The following RTL4 variants were observed in gnomAD, a reference collection of about 807,000 sequenced individuals.
The protein encoded by RTL4 is retrotransposon Gag-like protein 4.
RTL4 carries 4 observed loss-of-function variants against 5.3 expected under a neutral mutation model. The ratio of observed to expected loss-of-function variants is 0.75; its 90% CI spans 0.37 to 1.72. RTL4 has a LOEUF of 1.72. Among genes scored for constraint, RTL4 ranks in the 40% most tolerant of loss-of-function variants. RTL4 has a pLI of 0.04. For missense variants in RTL4, 260 were observed against 227.1 expected, an observed-to-expected ratio of 1.14 and a Z score of -0.93; for synonymous variants, 98 against 87.3, an observed-to-expected ratio of 1.12 and a Z score of -0.68.
the RTL4 span, among the ~76,000 whole-genome samples, chrX:112,236,460 T>C: frequency 1.2e-5 from 1 of 80,634 alleles, no homozygotes. Flanking sequence ...TAGATATAGA[T>C]CTATATCTAT....
At chrX:112,117,203 G>A in the RTL4 span, among the ~76,000 whole-genome samples, 5 of 108,435 alleles carry the variant, frequency 4.6e-5, no homozygotes, top group East Asian at 2.9e-4. Flanking sequence ...CCACATAATC[G>A]TTATATGGTA....
At chrX:112,142,869 C>T in the RTL4 span, among the ~76,000 whole-genome samples, 1 of 111,190 alleles carries the variant, frequency 9.0e-6, no homozygotes, top group African/African-American at 3.3e-5. Context: ...CATTCTGTCA[C>T]CCAGGCTAGA....
chrX:112,299,217 G>A, the RTL4 span, among the ~76,000 whole-genome samples: 1 of 111,552 alleles, frequency 9.0e-6, no homozygotes, highest in African/African-American at 3.3e-5. Flanking sequence ...ATATAACAGG[G>A]CAGCCATAGT....
chrX:112,291,409 C>T, the RTL4 span, among the ~76,000 whole-genome samples: 1 of 103,157 alleles, frequency 9.7e-6, no homozygotes, highest in Non-Finnish European at 2.0e-5. Flanking sequence ...CACACACACA[C>T]ATGCACACAT....
At chrX:112,440,733 T>TA in the RTL4 span, among the ~76,000 whole-genome samples, 5 of 111,874 alleles carry the variant, frequency 4.5e-5, no homozygotes, top group Non-Finnish European at 7.5e-5. Flanking sequence ...TTTTAAGGCC[T>TA]ACATTATTAG....
the RTL4 span, among the ~76,000 whole-genome samples, chrX:112,333,025 G>T: frequency 9.1e-6 from 1 of 109,831 alleles, no homozygotes; most frequent in Non-Finnish European, 1.9e-5. Flanking sequence ...TTGTCTTAAA[G>T]TCTGTTTTGT....
chrX:112,143,065 G>C, the RTL4 span, among the ~76,000 whole-genome samples: 1 of 111,525 alleles, frequency 9.0e-6, no homozygotes, highest in Non-Finnish European at 1.9e-5. Context: ...CTGACCTCAA[G>C]TGATCCGCCT....
At chrX:112,355,679 C>T in the RTL4 span, among the ~76,000 whole-genome samples, 15 of 110,791 alleles carry the variant, frequency 1.4e-4, no homozygotes, top group Admixed American at 8.7e-4. Flanking sequence ...GTTTTGTCTG[C>T]GCTGGGGTGG....
chrX:112,434,940 C>T, the RTL4 span, among the ~76,000 whole-genome samples: 17 of 110,865 alleles, frequency 1.5e-4, no homozygotes, highest in Admixed American at 4.8e-4. Context: ...AGGAAGCTTA[C>T]GTCAGGTGGG....
chrX:112,137,707 C>T, the RTL4 span, among the ~76,000 whole-genome samples: 3 of 111,459 alleles, frequency 2.7e-5, no homozygotes, highest in African/African-American at 9.8e-5. Context: ...GACACAGAGC[C>T]AAACCATAAC....
the RTL4 span, among the ~76,000 whole-genome samples, chrX:112,294,888 C>T: frequency 1.8e-5 from 2 of 111,966 alleles, no homozygotes; most frequent in Non-Finnish European, 3.8e-5. Flanking sequence ...TAGATGACCT[C>T]ATGTGTACAT....
chrX:112,322,339 G>A, the RTL4 span, among the ~76,000 whole-genome samples: 1 of 95,724 alleles, frequency 1.0e-5, no homozygotes, highest in African/African-American at 4.5e-5. Context: ...TTTGCCTAAG[G>A]TAAGGCGCTT....
chrX:112,312,863 T>A, the RTL4 span, among the ~76,000 whole-genome samples: 1 of 111,072 alleles, frequency 9.0e-6, no homozygotes, highest in Admixed American at 9.7e-5. Context: ...TCCTCTCATG[T>A]CTTTTTTCTT....
the RTL4 span, among the ~76,000 whole-genome samples, chrX:112,219,484 C>T: frequency 8.9e-6 from 1 of 112,162 alleles, no homozygotes; most frequent in African/African-American, 3.2e-5. Flanking sequence ...AAACAAATAT[C>T]ACTAAAATGG....
the RTL4 span, among the ~76,000 whole-genome samples, chrX:112,442,495 C>T: frequency 3.6e-5 from 4 of 110,724 alleles, no homozygotes; most frequent in South Asian, 1.1e-3. Context: ...GTGATCTACC[C>T]GCCTCAGCCT....
chrX:112,280,523 CTG>C, the RTL4 span, among the ~76,000 whole-genome samples: 2 of 111,256 alleles, frequency 1.8e-5, no homozygotes, highest in African/African-American at 6.5e-5. Flanking sequence ...GAGTCTCACT[CTG>C]TCACCCAGGC....
chrX:112,287,196 A>C, the RTL4 span, among the ~76,000 whole-genome samples: 1 of 111,675 alleles, frequency 9.0e-6, no homozygotes, highest in Non-Finnish European at 1.9e-5. Flanking sequence ...CATATAGGAA[A>C]GGCTATTATA....
the RTL4 span, among the ~76,000 whole-genome samples, chrX:112,246,854 T>G: frequency 9.0e-6 from 1 of 111,542 alleles, no homozygotes; most frequent in Non-Finnish European, 1.9e-5. Context: ...CATCTTGGAA[T>G]GAACCTCTGA....
chrX:112,147,506 T>C, the RTL4 span, among the ~76,000 whole-genome samples: 1 of 111,155 alleles, frequency 9.0e-6, no homozygotes, highest in Non-Finnish European at 1.9e-5. Context: ...TGGGACAGAG[T>C]TGTGGCCACT....
Sources: allele counts gnomAD v4.1 joint callset (sites outside exome capture counted in the v4.1 genomes callset), GRCh38; gene constraint gnomAD v4.1.1; transcripts MANE v1.5; gene names NCBI Gene and HGNC (gene_info 2026-07-23, HGNC 2026-07-21).